Variants in RBFOX1 observed in about 807,000 individuals in gnomAD.
The protein encoded by RBFOX1 is RNA binding protein fox-1 homolog 1.
A neutral mutation model predicts 57.7 loss-of-function variants in RBFOX1; 8 were observed. That is an observed-to-expected ratio of 0.14 (90% CI 0.08 to 0.25). RBFOX1 has a LOEUF of 0.25. Among genes scored for constraint, RBFOX1 ranks in the 10% least tolerant of loss-of-function variants. The pLI is 1.00. For missense variants in RBFOX1, 611 were observed against 548.5 expected, an observed-to-expected ratio of 1.11 and a Z score of -1.14; for synonymous variants, 326 against 222.4, an observed-to-expected ratio of 1.47 and a Z score of -4.15.
intron 1 of RBFOX1, among the ~76,000 whole-genome samples, chr16:5,314,545 G>C (rs1054557170): frequency 3.3e-5 from 5 of 152,142 alleles, no homozygotes; most frequent in African/African-American, 1.2e-4. Flanking sequence ...CTGTTGCCCA[G>C]GCTGGCGTGC....
At chr16:5,602,498 G>A (rs2047398871), downstream of RBFOX1, among the ~76,000 whole-genome samples, 1 of 152,158 alleles carries the variant, frequency 6.6e-6, no homozygotes, top group South Asian at 2.1e-4. Context: ...GAGGATTTAT[G>A]TTTATTGACT....
rs567522757 is a variant in RBFOX1, at chr16:7,047,827, C to G, written c.-15-4230C>G. 2.9e-5 allele frequency among the ~76,000 whole-genome samples: 4 copies of G among 136,456 alleles called. No individual in the cohort carries two copies. The East Asian group carries it at 8.9e-4, about 30-fold the overall frequency. The allele number at this position is 136,456 out of a possible 152,430, so 89.5% of individuals were successfully genotyped here. The stretch of plus-strand genomic sequence containing the variant: ...AGTTTACTTCTTTTTCTTCTGTTGT[C>G]TTCATTCTGTGTTTGGACACCTTCA... On this transcript the variant is annotated intron_variant, in intron 3 of 15. Coordinates refer to ENST00000550418, the MANE Select transcript of RBFOX1 (RefSeq NM_018723.4).
At chr16:6,644,859 G>T (rs904932088) in intron 2 of RBFOX1, among the ~76,000 whole-genome samples, 2 of 152,150 alleles carry the variant, frequency 1.3e-5, no homozygotes, top group African/African-American at 4.8e-5. Flanking sequence ...TCTTTTTTCA[G>T]TATTAAGTAG....
intron 3 of RBFOX1, among the ~76,000 whole-genome samples, chr16:5,833,524 T>G: frequency 7.1e-6 from 1 of 140,358 alleles, no homozygotes; most frequent in East Asian, 2.1e-4. Flanking sequence ...AAGAAAGAAA[T>G]CTGTAGAAGG....
chr16:5,654,720 A>T (rs1423051860), intron 3 of RBFOX1, among the ~76,000 whole-genome samples: 1 of 151,876 alleles, frequency 6.6e-6, no homozygotes, highest in Non-Finnish European at 1.5e-5. Context: ...GCCTGGTGTG[A>T]TGTGCTCCTC....
In RBFOX1 at chr16:5,364,057, C is replaced by T. The variant is rs529302599; in HGVS notation, c.220-103159C>T. ...CTCCTTCTCTCCCTCAGCGATTCCC[C>T]GACGCTGGATATCAGAAGCAGAAAC... On this transcript the variant is annotated intron_variant, in intron 1 of 2. Coordinates refer to the RBFOX1 transcript ENST00000585867. Among the ~76,000 whole-genome samples the T allele has an allele frequency of 2.0e-4, 30 of 152,276 alleles. 2 individuals are homozygous for T. In the South Asian group the frequency reaches 5.4e-3, roughly 27 times the overall value.
At chr16:5,914,925 A>G (rs540580007) in intron 4 of RBFOX1, among the ~76,000 whole-genome samples, 1 of 152,056 alleles carries the variant, frequency 6.6e-6, no homozygotes, top group Non-Finnish European at 1.5e-5. Flanking sequence ...ACAAAAAAAA[A>G]GAGAGTCTAT....
chr16:6,724,358 C>T (rs1415515553), intron 3 of RBFOX1, among the ~76,000 whole-genome samples: 3 of 152,012 alleles, frequency 2.0e-5, no homozygotes, highest in African/African-American at 7.2e-5. Context: ...TACAGGTGCA[C>T]TCCAGCATGC....
chr16:6,697,576 G>A (rs2154138596), intron 3 of RBFOX1, among the ~76,000 whole-genome samples: 1 of 152,266 alleles, frequency 6.6e-6, no homozygotes, highest in East Asian at 1.9e-4. Flanking sequence ...TTGAGTCAAA[G>A]GCTTATCCTG....
rs754342591 is a variant in RBFOX1 at position 6,806,836 on chromosome 16, A to ATATATATATATATATAT, written c.-16+152187_-16+152188insATATATATATATATATT. Among the ~76,000 whole-genome samples the ATATATATATATATATAT allele has an allele frequency of 3.6e-3, 331 of 91,774 alleles. 3 individuals are homozygous for ATATATATATATATATAT. The highest frequency in any genetic ancestry group is 6.0e-3 in the Middle Eastern group (1 of 166). 60.2% of individuals were successfully genotyped at this position (91,774 alleles called of 152,430 possible). A position where few individuals can be genotyped will look rare whatever the true frequency, so the allele number is the denominator to read the frequency against. On this transcript the variant is annotated intron_variant, in intron 3 of 15. Coordinates refer to ENST00000550418, the MANE Select transcript of RBFOX1 (RefSeq NM_018723.4). ...TATATAAATATATATATATATATAT[A>ATATATATATATATATAT]TTTTTTTTTTTTTTTGAGAGAAAGT...
intron 2 of RBFOX1, among the ~76,000 whole-genome samples, chr16:6,593,002 G>T (rs563394744): frequency 6.6e-6 from 1 of 152,104 alleles, no homozygotes; most frequent in Non-Finnish European, 1.5e-5. Context: ...CGACTAGCCC[G>T]GCCAACATGG....
At chr16:6,502,687 C>T (rs141286948) in intron 2 of RBFOX1, among the ~76,000 whole-genome samples, 1 of 152,170 alleles carries the variant, frequency 6.6e-6, no homozygotes, top group Non-Finnish European at 1.5e-5. Flanking sequence ...TCTTTTACCT[C>T]TGCTAATTTT....
chr16:5,574,146 T>G (rs2046377377), intron 2 of RBFOX1, among the ~76,000 whole-genome samples: 1 of 152,160 alleles, frequency 6.6e-6, no homozygotes, highest in South Asian at 2.1e-4. Context: ...AGGGCAGAAT[T>G]TTTATGCCTA....
intron 2 of RBFOX1, among the ~76,000 whole-genome samples, chr16:5,523,853 G>A (rs1029608012): frequency 2.0e-5 from 3 of 152,196 alleles, no homozygotes; most frequent in Admixed American, 6.5e-5. Context: ...TGGAGGACCA[G>A]GTGTCCTTGG....
chr16:5,834,447 C>G (rs2056384064), intron 3 of RBFOX1, among the ~76,000 whole-genome samples: 2 of 152,172 alleles, frequency 1.3e-5, no homozygotes, highest in African/African-American at 4.8e-5. Context: ...CTTTTCATGG[C>G]TGAGTAGTAT....
At chr16:6,174,837 G>A (rs1441302141) in intron 1 of RBFOX1, among the ~76,000 whole-genome samples, 2 of 152,128 alleles carry the variant, frequency 1.3e-5, no homozygotes, top group East Asian at 3.9e-4. Context: ...TTCTCTATGT[G>A]CCAATCTAAG....
chr16:6,450,804 TATATATATATATAC>T (rs2094587015), intron 2 of RBFOX1, among the ~76,000 whole-genome samples: 2 of 10,408 alleles, frequency 1.9e-4, no homozygotes, highest in African/African-American at 1.3e-3. Context: ...TATATATGTA[TATATATATATATAC>T]ATATATATAT....
intron 3 of RBFOX1, among the ~76,000 whole-genome samples, chr16:6,855,967 A>G (rs1376288428): frequency 1.3e-5 from 2 of 151,772 alleles, no homozygotes; most frequent in African/African-American, 4.8e-5. Context: ...TTTGTACCCA[A>G]AGACTCCTGC....
chr16:5,750,747 T>A (rs2053168173), intron 3 of RBFOX1, among the ~76,000 whole-genome samples: 1 of 152,164 alleles, frequency 6.6e-6, no homozygotes. Context: ...GACCCAATTT[T>A]CCAGGTGCCG....
Sources: gnomAD v4.1 joint callset for allele counts (sites outside exome capture counted in the v4.1 genomes callset) on GRCh38, gnomAD v4.1.1 for gene constraint, MANE v1.5 for transcripts, NCBI Gene and HGNC (gene_info 2026-07-23, HGNC 2026-07-21) for gene names.